GFI1: variants seen among roughly 807,000 people sequenced by gnomAD.
GFI1 encodes growth factor independent 1 transcriptional repressor.
GFI1 carries 15 observed loss-of-function variants against 39.2 expected under a neutral mutation model. The observed-to-expected ratio is 0.38, with a 90% confidence interval of 0.26 to 0.59. GFI1 has a LOEUF of 0.59. Ranked by LOEUF, GFI1 falls within the 20% of genes least tolerant of loss-of-function variation. The pLI is 0.62. For synonymous variants in GFI1, 239 were observed against 254.3 expected, an observed-to-expected ratio of 0.94 and a Z score of 0.57; for missense variants, 475 against 574.0, an observed-to-expected ratio of 0.83 and a Z score of 1.76.
In GFI1 at chr1:92,480,831, T is replaced by C. The variant is rs781749984; in HGVS notation, c.556A>G (p.Ser186Gly). Residue 186 changes from serine to glycine, a missense_variant, in exon 4 of 7, where the codon AGC (serine) becomes GGC (glycine). This residue lies in a region of GFI1 where 275 missense variants were observed against 275.8 expected (regional missense o/e 1.00). Transcript: ENST00000294702. This position sits in a 1 kb window ranked among gnomAD's most constrained non-coding sequence, Gnocchi z 5.6. ...GAGAGAPGSCSAGAGATAGPG... is the reference protein window; with the variant it reads ...GAGAGAPGSCGAGAGATAGPG... ...CCAGCGGTGGCACCGGCCCCTGCGC[T>C]GCAGCTCCCTGGCGCCCCGGCCCCC... 3 of 1,534,354 alleles carry C rather than the reference T, an allele frequency of 2.0e-6. No individual in the cohort carries two copies. The East Asian group carries it at 7.6e-5, about 39-fold the overall frequency.
chr1:92,481,190 C>G lies in GFI1; in HGVS notation c.299-102G>C. The G allele has an allele frequency of 9.5e-7, 1 of 1,049,180 alleles. No homozygotes were observed. Among genetic ancestry groups the G allele is most frequent in the Non-Finnish European group, 1.4e-6 (1 of 700,254 alleles). 65.0% of individuals were successfully genotyped at this position (1,049,180 alleles called of 1,614,324 possible). A position where few individuals can be genotyped will look rare whatever the true frequency, so the allele number is the denominator to read the frequency against. The stretch of plus-strand genomic sequence containing the variant: ...TGGCGTGTTCGCGGACTGCGGGGCA[C>G]CCAGCGCTTGTAGAACACTGCGTGC... On this transcript the variant is annotated intron_variant, in intron 3 of 6. Transcript: ENST00000294702. This position sits in a 1 kb window ranked among gnomAD's most constrained non-coding sequence, Gnocchi z 4.3.
intron 5 of GFI1, 109 bp from the exon 6 acceptor site, chr1:92,478,862 T>C: frequency 7.0e-7 from 1 of 1,420,300 alleles, no homozygotes; most frequent in Middle Eastern, 2.5e-4. Flanking sequence ...CTAAAATCCC[T>C]TGAACACTTT....
At position 92,475,860 on chromosome 1, in the gene GFI1, G is replaced by A; in HGVS notation, c.*169C>T. On this transcript the variant is annotated 3_prime_UTR_variant, in exon 7 of 7. Coordinates refer to ENST00000294702, the MANE Select transcript of GFI1 (RefSeq NM_005263.5). Reference sequence around the variant, plus strand: ...AAAAGGTACCTCATTTCTTCTGGCAGCTCCAGGAGGTAAGGCGAAGGAGGA... The same window carrying A: ...AAAAGGTACCTCATTTCTTCTGGCAACTCCAGGAGGTAAGGCGAAGGAGGA... 1.5e-6 allele frequency: 1 copy of A among 648,748 alleles called. No homozygotes were observed. The highest frequency in any genetic ancestry group is 2.8e-6 in the Non-Finnish European group (1 of 362,840). 40.2% of individuals were successfully genotyped at this position (648,748 alleles called of 1,614,324 possible). A position where few individuals can be genotyped will look rare whatever the true frequency, so the allele number is the denominator to read the frequency against.
Position 92,480,212 on chromosome 1 carries a change from G to T in GFI1, c.924+136C>A. The stretch of plus-strand genomic sequence containing the variant: ...CACACCTGCACCAGGGCAAGGGGAC[G>T]CAGCGGAGGGCTTGGGGGAGGAAAC... On this transcript the variant is annotated intron_variant, in intron 5 of 6. Transcript: ENST00000294702. The surrounding 1 kb of genome is among the most constrained non-coding windows in gnomAD (Gnocchi z 5.6). 2.1e-6 allele frequency: 2 copies of T among 966,120 alleles called. No individual in the cohort carries two copies. The highest frequency in any genetic ancestry group is 3.1e-6 in the Non-Finnish European group (2 of 637,852). The allele number at this position is 966,120 out of a possible 1,614,324, so 59.8% of individuals were successfully genotyped here. A position where few individuals can be genotyped will look rare whatever the true frequency, so the allele number is the denominator to read the frequency against.
Position 92,482,884 on chromosome 1 carries a change from G to A in GFI1, c.278C>T (p.Pro93Leu), listed in dbSNP as rs780103307. Residue 93 changes from proline to leucine, a missense_variant, in exon 3 of 7, where the codon CCG becomes CTG. Pro to Leu is a moderately conservative substitution (Grantham distance 98). Transcript: ENST00000294702. This position sits in a 1 kb window ranked among gnomAD's most constrained non-coding sequence, Gnocchi z 4.4. ...CCTACCTGGAGACGCGGAGGGTGACGGGGGCCTCCAGAAGTCCTCAAACTC... is the reference window on the plus strand; with the variant it reads ...CCTACCTGGAGACGCGGAGGGTGACAGGGGCCTCCAGAAGTCCTCAAACTC... Reference protein sequence around the residue: ...SSEFEDFWRPPSPSASPASEK... With the variant: ...SSEFEDFWRPLSPSASPASEK... 5.0e-6 allele frequency: 8 copies of A among 1,613,780 alleles called. No homozygotes were observed. Among genetic ancestry groups the A allele is most frequent in the Admixed American group, 1.7e-5 (1 of 60,014 alleles).
rs754136043 is a variant in GFI1, at chr1:92,475,998, T to C, written c.*31A>G. 8 of 1,606,950 alleles carry C rather than the reference T, an allele frequency of 5.0e-6. 1 individual carries two copies. In the South Asian group the frequency reaches 8.9e-5, roughly 18 times the overall value. ...AGGGAGGCTGCCCTCTGTAGTGTTGTGTAGCTGCTGCTTGCAGCCAGCCAG... is the reference window on the plus strand; with the variant it reads ...AGGGAGGCTGCCCTCTGTAGTGTTGCGTAGCTGCTGCTTGCAGCCAGCCAG... On this transcript the variant is annotated 3_prime_UTR_variant, in exon 7 of 7. Transcript: ENST00000294702.
In GFI1 at chr1:92,480,319, C is replaced by A; in HGVS notation, c.924+29G>T. ...AGATGCAGAAGATCCCCGAGCAGGG[C>A]CGCGCGCGGCGGTGCGCCCCGCGCT... On this transcript the variant is annotated intron_variant, in intron 5 of 6. Transcript: ENST00000294702. The surrounding 1 kb of genome is among the most constrained non-coding windows in gnomAD (Gnocchi z 5.6). 1 of 1,542,572 alleles carries A rather than the reference C, an allele frequency of 6.5e-7. No homozygotes were observed. Among genetic ancestry groups the A allele is most frequent in the Non-Finnish European group, 8.7e-7 (1 of 1,145,366 alleles).
chr1:92,481,160 G>T lies in GFI1; in HGVS notation c.299-72C>A. ...GCGGAGGCCGCCGGGCTGCGGCTGC[G>T]AGCGTGGCGTGTTCGCGGACTGCGG... On this transcript the variant is annotated intron_variant, in intron 3 of 6. Coordinates refer to ENST00000294702, the MANE Select transcript of GFI1 (RefSeq NM_005263.5). The surrounding 1 kb of genome is among the most constrained non-coding windows in gnomAD (Gnocchi z 4.3). The T allele has an allele frequency of 7.4e-7, 1 of 1,347,300 alleles. No individual in the cohort carries two copies. 83.5% of individuals were successfully genotyped at this position (1,347,300 alleles called of 1,614,324 possible).
At position 92,484,188 on chromosome 1, in the gene GFI1, A is replaced by G. The variant is rs1658424499; in HGVS notation, c.-99-602T>C. Among the ~76,000 whole-genome samples the G allele has an allele frequency of 6.6e-6, 1 of 152,152 alleles. No homozygotes were observed. The highest frequency in any genetic ancestry group is 2.4e-5 in the African/African-American group (1 of 41,426). On this transcript the variant is annotated intron_variant, in intron 1 of 6. Coordinates refer to ENST00000294702, the MANE Select transcript of GFI1 (RefSeq NM_005263.5). This position sits in a 1 kb window ranked among gnomAD's most constrained non-coding sequence, Gnocchi z 4.1. ...GCAGCAGAGGGATTGGGGACAGCAG[A>G]GGCCAGAGAAAGGAGGTGGGAGAGC... is the stretch of plus-strand genomic sequence containing the variant.
rs1199074884 is a variant in GFI1 at position 92,480,864 on chromosome 1, C to T, written c.523G>A (p.Gly175Ser). The T allele has an allele frequency of 3.4e-6, 5 of 1,459,096 alleles. No individual in the cohort carries two copies. The highest frequency in any genetic ancestry group is 4.5e-6 in the Non-Finnish European group (5 of 1,111,266). 90.4% of individuals were successfully genotyped at this position (1,459,096 alleles called of 1,614,324 possible). Reference protein sequence around the residue: ...AALYGPKRAAGGAGAGAPGSC... With the variant: ...AALYGPKRAASGAGAGAPGSC... ...CCTGGCGCCCCGGCCCCCGCGCCGCCGGCAGCCCGCTTCGGGCCGTACAGC... is the reference window on the plus strand; with the variant it reads ...CCTGGCGCCCCGGCCCCCGCGCCGCTGGCAGCCCGCTTCGGGCCGTACAGC... The change falls in exon 4 of 7, where the codon GGC becomes AGC. Residue 175 changes from glycine (G) to serine (S), a missense_variant. This residue lies in a region of GFI1 where 275 missense variants were observed against 275.8 expected (regional missense o/e 1.00). Coordinates refer to ENST00000294702, the MANE Select transcript of GFI1 (RefSeq NM_005263.5). This position sits in a 1 kb window ranked among gnomAD's most constrained non-coding sequence, Gnocchi z 5.6.
Position 92,475,397 on chromosome 1 carries a change from G to C in GFI1, c.*632C>G, listed in dbSNP as rs17131636. The C allele has an allele frequency of 0.063, 9,732 of 154,234 alleles. 904 individuals carry two copies. Among genetic ancestry groups the C allele is most frequent in the African/African-American group, 0.2 (8,432 of 41,372 alleles). The allele number at this position is 154,234 out of a possible 1,614,324, so 9.6% of individuals were successfully genotyped here. The stretch of plus-strand genomic sequence containing the variant: ...TCTGCTTCTTCTTGGGGGTAGCCTC[G>C]ATGGTGCATCTCATGACTTCAAAGT... On this transcript the variant is annotated 3_prime_UTR_variant, in exon 7 of 7. Transcript: ENST00000294702.
intron 5 of GFI1, among the ~76,000 whole-genome samples, chr1:92,479,324 C>T (rs952601205): frequency 6.6e-6 from 1 of 152,166 alleles, no homozygotes; most frequent in Non-Finnish European, 1.5e-5. Flanking sequence ...GATGCCACCT[C>T]CCCCCAGCCA....
chr1:92,475,464 AGGAGG>A lies in GFI1; in HGVS notation c.*560_*564del. 1 of 161,374 alleles carries A rather than the reference AGGAGG, an allele frequency of 6.2e-6. No individual in the cohort carries two copies. 10.0% of individuals were successfully genotyped at this position (161,374 alleles called of 1,614,324 possible). ...AAGTCAGTTTCTGAATCAGTTTTTG[AGGAGG>A]AGAAATGATTCCTCCAAGATTTATA... is the stretch of plus-strand genomic sequence containing the variant. On this transcript the variant is annotated 3_prime_UTR_variant, in exon 7 of 7. Coordinates refer to ENST00000294702, the MANE Select transcript of GFI1 (RefSeq NM_005263.5).
Position 92,479,955 on chromosome 1 carries a change from T to G in GFI1, c.924+393A>C, listed in dbSNP as rs563590863. 6.6e-5 allele frequency among the ~76,000 whole-genome samples: 10 copies of G among 152,194 alleles called. No homozygotes were observed. In the South Asian group the frequency reaches 2.1e-3, roughly 32 times the overall value. On this transcript the variant is annotated intron_variant, in intron 5 of 6. Transcript: ENST00000294702. The stretch of plus-strand genomic sequence containing the variant: ...TCTAAATGAGCTGAGATTCCTGCCT[T>G]TTCAGTCGAGAGGGGTCAATGCAAA...
chr1:92,481,478 C>A lies in GFI1; in HGVS notation c.299-390G>T, dbSNP rs560181801. Among the ~76,000 whole-genome samples, 3 of 152,342 alleles carry A rather than the reference C, an allele frequency of 2.0e-5. No individual in the cohort carries two copies. Among genetic ancestry groups the A allele is most frequent in the South Asian group, 4.1e-4 (2 of 4,832 alleles). The stretch of plus-strand genomic sequence containing the variant: ...TAAGAAGGAGAAGGTGGCGGCCGTT[C>A]GGCCCCTCACAGCACTCAAGGGCGG... On this transcript the variant is annotated intron_variant, in intron 3 of 6. Coordinates refer to ENST00000294702, the MANE Select transcript of GFI1 (RefSeq NM_005263.5). The surrounding 1 kb of genome is among the most constrained non-coding windows in gnomAD (Gnocchi z 4.3).
chr1:92,478,234 G>A (rs1314590815), intron 6 of GFI1, among the ~76,000 whole-genome samples: 1 of 152,144 alleles, frequency 6.6e-6, no homozygotes, highest in Non-Finnish European at 1.5e-5. Context: ...CAATCTCTAG[G>A]TAAGCTTTAG....
In GFI1 at chr1:92,482,623, G is replaced by A. The variant is rs567961236; in HGVS notation, c.298+241C>T. Among the ~76,000 whole-genome samples the A allele has an allele frequency of 6.6e-6, 1 of 152,352 alleles. No homozygotes were observed. The highest frequency in any genetic ancestry group is 2.1e-4 in the South Asian group (1 of 4,828). ...CGTCACTGGCCAGCTCCGCGCAAACGAATCTAAGCGACAAGCAGCTAGGGT... is the reference window on the plus strand; with the variant it reads ...CGTCACTGGCCAGCTCCGCGCAAACAAATCTAAGCGACAAGCAGCTAGGGT... On this transcript the variant is annotated intron_variant, in intron 3 of 6. Transcript: ENST00000294702. This position sits in a 1 kb window ranked among gnomAD's most constrained non-coding sequence, Gnocchi z 4.4.
In GFI1 at chr1:92,481,114, G is replaced by C; in HGVS notation, c.299-26C>G. ...CTGTGGAGGCACAAGGGGAGCGTCC[G>C]GTCAGGCTTCAGACGGCAGAGCGGA... On this transcript the variant is annotated intron_variant, in intron 3 of 6. Transcript: ENST00000294702. This position sits in a 1 kb window ranked among gnomAD's most constrained non-coding sequence, Gnocchi z 4.3. The C allele has an allele frequency of 1.3e-6, 2 of 1,594,948 alleles. No homozygotes were observed. The highest frequency in any genetic ancestry group is 1.7e-6 in the Non-Finnish European group (2 of 1,167,288).
Position 92,482,782 on chromosome 1 carries a change from A to G in GFI1, c.298+82T>C. On this transcript the variant is annotated intron_variant, in intron 3 of 6. Transcript: ENST00000294702. The surrounding 1 kb of genome is among the most constrained non-coding windows in gnomAD (Gnocchi z 4.4). ...TCTCCAACTCCCCGTTAGCATTTCT[A>G]CGCCCAAGGTCGCGCCAATTCCCCC... 9.1e-7 allele frequency: 1 copy of G among 1,097,330 alleles called. No homozygotes were observed. Among genetic ancestry groups the G allele is most frequent in the Middle Eastern group, 2.1e-4 (1 of 4,686 alleles). 68.0% of individuals were successfully genotyped at this position (1,097,330 alleles called of 1,614,324 possible).
Sources: allele counts gnomAD v4.1 joint callset (sites outside exome capture counted in the v4.1 genomes callset), GRCh38; gene constraint gnomAD v4.1.1; regional missense constraint gnomAD v4.1.1; non-coding constraint Gnocchi (gnomAD v3.1); transcripts MANE v1.5; gene names NCBI Gene and HGNC (gene_info 2026-07-23, HGNC 2026-07-21).